Variants in SCAMP1 observed in about 807,000 individuals in gnomAD.
SCAMP1 encodes the protein secretory carrier-associated membrane protein 1.
In SCAMP1, 15 loss-of-function variants were observed where a neutral mutation model predicts 41.8. The observed-to-expected ratio is 0.36, with a 90% CI of 0.24 to 0.55. The LOEUF is 0.55. Among genes scored for constraint, SCAMP1 ranks in the 20% least tolerant of loss-of-function variants. The probability of loss-of-function intolerance (pLI) is 0.86; values close to 1 mark genes in which losing one functional copy is unlikely to be tolerated. For synonymous variants in SCAMP1, 135 were observed against 136.8 expected (o/e 0.99, Z 0.09); for missense variants, 341 against 412.6 (o/e 0.83, Z 1.50).
At chr5:78,472,581 T>C (rs1031762329) in intron 8 of SCAMP1, among the ~76,000 whole-genome samples, 3 of 152,206 alleles carry the variant, frequency 2.0e-5, no homozygotes, top group Non-Finnish European at 4.4e-5. Context: ...AAATCAAGAA[T>C]CCACCCTTTT....
intron 6 of SCAMP1, among the ~76,000 whole-genome samples, chr5:78,437,150 A>C (rs146483914): frequency 2.6e-5 from 4 of 152,172 alleles, no homozygotes; most frequent in Non-Finnish European, 4.4e-5. Context: ...TAAATATACA[A>C]TCATGTCATC....
chr5:78,458,885 A>G (rs59981325), intron 7 of SCAMP1, among the ~76,000 whole-genome samples: 7,382 of 152,314 alleles, frequency 0.048, 396 homozygotes, highest in East Asian at 0.3. Flanking sequence ...GTCTCAAAAA[A>G]AAGAGTAATA....
At chr5:78,365,398 T>C (rs1440293680) in intron 1 of SCAMP1, among the ~76,000 whole-genome samples, 1 of 133,846 alleles carries the variant, frequency 7.5e-6, no homozygotes, top group African/African-American at 2.9e-5. Flanking sequence ...TGCTTGAACC[T>C]GGGAGGTGGA....
At chr5:78,452,190 T>G (rs538873963) in intron 7 of SCAMP1, among the ~76,000 whole-genome samples, 110 of 152,232 alleles carry the variant, frequency 7.2e-4, no homozygotes, top group African/African-American at 2.6e-3. Flanking sequence ...CTTTTCTTTT[T>G]TTTTTTATTA....
intron 8 of SCAMP1, 113 bp downstream of exon 8, chr5:78,459,475 G>C (rs1753527955): frequency 1.2e-5 from 7 of 608,408 alleles, no homozygotes; most frequent in Non-Finnish European, 2.0e-5. Flanking sequence ...TATTGTATGA[G>C]TTTGCTCTCT....
At chr5:78,388,758 A>G (rs1751411022) in intron 1 of SCAMP1, 79 bp from the exon 2 acceptor site, 3 of 729,762 alleles carry the variant, frequency 4.1e-6, no homozygotes, top group Admixed American at 2.8e-5. Context: ...AGTATAGATA[A>G]AGCAAATGGT....
chr5:78,456,695 G>T (rs532407168), intron 7 of SCAMP1, among the ~76,000 whole-genome samples: 3 of 151,006 alleles, frequency 2.0e-5, no homozygotes, highest in African/African-American at 7.4e-5. Context: ...GTATCTTTGT[G>T]GTGGTCTCTG....
intron 6 of SCAMP1, among the ~76,000 whole-genome samples, chr5:78,444,882 C>T (rs57981396): frequency 0.035 from 5,381 of 152,292 alleles, 345 homozygotes; most frequent in African/African-American, 0.12. Context: ...GCATGTTCCA[C>T]TGTTACCCCC....
intron 2 of SCAMP1, among the ~76,000 whole-genome samples, chr5:78,398,835 G>A (rs1751727953): frequency 1.3e-5 from 2 of 152,104 alleles, no homozygotes; most frequent in African/African-American, 4.8e-5. Flanking sequence ...GTGAGCCACC[G>A]CGCATGGCCC....
chr5:78,441,866 A>G (rs1752932231), intron 6 of SCAMP1, among the ~76,000 whole-genome samples: 1 of 152,216 alleles, frequency 6.6e-6, no homozygotes. Flanking sequence ...GTGGTGGCTC[A>G]TGTGTATAAT....
intron 6 of SCAMP1, among the ~76,000 whole-genome samples, chr5:78,425,770 A>T (rs1228514859): frequency 6.6e-6 from 1 of 152,096 alleles, no homozygotes; most frequent in Admixed American, 6.6e-5. Flanking sequence ...TTATGGGAAA[A>T]TTCAATGATT....
intron 1 of SCAMP1, among the ~76,000 whole-genome samples, chr5:78,383,807 C>G (rs1751269456): frequency 6.6e-6 from 1 of 152,068 alleles, no homozygotes; most frequent in African/African-American, 2.4e-5. Flanking sequence ...GTTTTTATAC[C>G]AGTACCATGA....
chr5:78,364,803 G>A (rs1172315495), intron 1 of SCAMP1, among the ~76,000 whole-genome samples: 2 of 148,726 alleles, frequency 1.3e-5, no homozygotes, highest in African/African-American at 2.5e-5. Context: ...TACTCATCGC[G>A]TGTTCTCACT....
At chr5:78,404,555 A>C (rs1751886335) in intron 2 of SCAMP1, among the ~76,000 whole-genome samples, 1 of 146,890 alleles carries the variant, frequency 6.8e-6, no homozygotes, top group African/African-American at 2.6e-5. Context: ...GTTCAGAAGC[A>C]CTCTATAGTC....
chr5:78,387,642 C>T (rs777983220), intron 1 of SCAMP1, among the ~76,000 whole-genome samples: 5 of 152,048 alleles, frequency 3.3e-5, no homozygotes, highest in Admixed American at 1.3e-4. Flanking sequence ...TTTTGTCCCA[C>T]GGGGTGCTCC....
chr5:78,453,995 G>C (rs1753314040), intron 7 of SCAMP1, among the ~76,000 whole-genome samples: 1 of 152,124 alleles, frequency 6.6e-6, no homozygotes, highest in South Asian at 2.1e-4. Flanking sequence ...TCTGTTATTG[G>C]TGTATAAGAA....
intron 6 of SCAMP1, among the ~76,000 whole-genome samples, chr5:78,424,328 A>C (rs997705100): frequency 2.0e-5 from 3 of 152,234 alleles, no homozygotes; most frequent in African/African-American, 7.2e-5. Context: ...AATCTCAAGG[A>C]AAATTATATA....
intron 1 of SCAMP1, among the ~76,000 whole-genome samples, chr5:78,387,739 G>T (rs949638951): frequency 3.9e-5 from 6 of 152,162 alleles, no homozygotes; most frequent in Non-Finnish European, 8.8e-5. Flanking sequence ...TCTGGATCAA[G>T]CCACCCAGTG....
intron 2 of SCAMP1, among the ~76,000 whole-genome samples, chr5:78,407,658 A>T: frequency 1.3e-5 from 2 of 148,680 alleles, no homozygotes. Context: ...GGACCTCTTA[A>T]TTGTATGTTA....
Sources: gnomAD v4.1 joint callset for allele counts (sites outside exome capture counted in the v4.1 genomes callset) on GRCh38, gnomAD v4.1.1 for gene constraint, MANE v1.5 for transcripts, NCBI Gene and HGNC (gene_info 2026-07-23, HGNC 2026-07-21) for gene names.